The following CNTN4 variants were observed in gnomAD, a reference collection of about 807,000 sequenced individuals.
The protein encoded by CNTN4 is contactin 4.
In CNTN4, 77 loss-of-function variants were observed where a neutral mutation model predicts 122.5. The ratio of observed to expected loss-of-function variants is 0.63; its 90% CI spans 0.52 to 0.76. The LOEUF is 0.76. Among genes scored for constraint, CNTN4 ranks in the 30% least tolerant of loss-of-function variants. CNTN4 has a pLI of 0.00. For missense variants in CNTN4, 1,256 were observed against 1,259.1 expected (o/e 1.00, Z 0.04); for synonymous variants, 512 against 447.0 (o/e 1.15, Z -1.83).
At chr3:2,418,441 A>G (rs1021546004) in intron 3 of CNTN4, among the ~76,000 whole-genome samples, 1 of 152,226 alleles carries the variant, frequency 6.6e-6, no homozygotes, top group African/African-American at 2.4e-5. Flanking sequence ...CTCACAGCCC[A>G]GGTACTAAAA....
At chr3:2,829,015 A>G (rs2093044849) in intron 7 of CNTN4, among the ~76,000 whole-genome samples, 1 of 152,188 alleles carries the variant, frequency 6.6e-6, no homozygotes, top group African/African-American at 2.4e-5. Flanking sequence ...CTGGGAGTAC[A>G]GGCATGAGCC....
chr3:2,208,316 A>G (rs1181011334), intron 2 of CNTN4, among the ~76,000 whole-genome samples: 1 of 152,194 alleles, frequency 6.6e-6, no homozygotes, highest in East Asian at 1.9e-4. Context: ...CAGAGGTTCA[A>G]GATTTCAGTG....
At chr3:2,252,954 G>T (rs1013420872) in intron 2 of CNTN4, among the ~76,000 whole-genome samples, 1 of 151,618 alleles carries the variant, frequency 6.6e-6, no homozygotes, top group Non-Finnish European at 1.5e-5. Context: ...TTGTCTTTTA[G>T]GGACTACTAT....
chr3:2,431,043 C>G (rs972427383), intron 3 of CNTN4, among the ~76,000 whole-genome samples: 2 of 152,122 alleles, frequency 1.3e-5, no homozygotes, highest in African/African-American at 4.8e-5. Flanking sequence ...ATTCACCTAG[C>G]CTTTTTGTGG....
At chr3:2,297,155 C>T (rs2042343590) in intron 2 of CNTN4, among the ~76,000 whole-genome samples, 1 of 152,158 alleles carries the variant, frequency 6.6e-6, no homozygotes, top group Admixed American at 6.5e-5. Flanking sequence ...TAATGTCTTT[C>T]AATCAGTTTA....
At chr3:2,627,766 T>G (rs2619580) in intron 4 of CNTN4, among the ~76,000 whole-genome samples, 29,700 of 152,122 alleles carry the variant, frequency 0.2, 3,121 homozygotes, top group East Asian at 0.31. Context: ...GTGCTGGGAT[T>G]ACAGGCGTGA....
chr3:2,277,645 C>G (rs2041566214), intron 2 of CNTN4, among the ~76,000 whole-genome samples: 1 of 152,126 alleles, frequency 6.6e-6, no homozygotes, highest in Non-Finnish European at 1.5e-5. Flanking sequence ...AGGTTTCCCT[C>G]CTGTCTCCAT....
At chr3:3,043,969 T>C (rs192323432) in intron 23 of CNTN4, among the ~76,000 whole-genome samples, 13 of 152,340 alleles carry the variant, frequency 8.5e-5, no homozygotes, top group East Asian at 3.9e-4. Flanking sequence ...TCTCCAAAAA[T>C]ACCCTGAAGA....
chr3:2,572,366 A>G (rs1371521761), intron 4 of CNTN4, among the ~76,000 whole-genome samples: 4 of 152,236 alleles, frequency 2.6e-5, no homozygotes, highest in African/African-American at 4.8e-5. Context: ...AGCCTGGGCA[A>G]CAGAGTGAGG....
chr3:2,353,894 G>A (rs569145833), intron 3 of CNTN4, among the ~76,000 whole-genome samples: 7 of 151,766 alleles, frequency 4.6e-5, no homozygotes, highest in Admixed American at 3.9e-4. Flanking sequence ...GCGAGACTCC[G>A]TCTCAAAAAA....
At chr3:2,690,128 C>T (rs1025223223) in intron 4 of CNTN4, among the ~76,000 whole-genome samples, 1 of 152,134 alleles carries the variant, frequency 6.6e-6, no homozygotes, top group Admixed American at 6.6e-5. Flanking sequence ...GATATTAGGG[C>T]AATAGGTTTT....
At chr3:2,557,928 T>C (rs1438570718) in intron 3 of CNTN4, among the ~76,000 whole-genome samples, 2 of 152,204 alleles carry the variant, frequency 1.3e-5, no homozygotes, top group Non-Finnish European at 2.9e-5. Context: ...GCTGGTCTTC[T>C]GTAGGCAAAC....
intron 7 of CNTN4, among the ~76,000 whole-genome samples, chr3:2,856,557 C>T (rs566117750): frequency 3.3e-5 from 5 of 150,602 alleles, no homozygotes; most frequent in East Asian, 3.9e-4. Flanking sequence ...AATACAATTT[C>T]GTGGGGAAGT....
At chr3:2,606,023 G>A (rs1490796097) in intron 4 of CNTN4, among the ~76,000 whole-genome samples, 1 of 152,108 alleles carries the variant, frequency 6.6e-6, no homozygotes, top group East Asian at 1.9e-4. Context: ...GAAGTGATGG[G>A]GGAAGCAGGG....
At chr3:2,177,396 A>G (rs774343130) in intron 2 of CNTN4, among the ~76,000 whole-genome samples, 13 of 152,190 alleles carry the variant, frequency 8.5e-5, no homozygotes, top group Non-Finnish European at 1.3e-4. Context: ...CAGAAATACT[A>G]CTGGCACACT....
intron 3 of CNTN4, among the ~76,000 whole-genome samples, chr3:2,403,697 C>T (rs545269863): frequency 2.0e-5 from 3 of 152,202 alleles, no homozygotes; most frequent in African/African-American, 7.2e-5. Flanking sequence ...TTTTGAACTA[C>T]AAAGAACTTT....
intron 3 of CNTN4, among the ~76,000 whole-genome samples, chr3:2,444,437 C>A (rs1366687638): frequency 6.6e-6 from 1 of 151,994 alleles, no homozygotes; most frequent in African/African-American, 2.4e-5. Flanking sequence ...GAGAACTCTT[C>A]AGGCAGAAGG....
chr3:2,352,393 G>C (rs577621353), intron 3 of CNTN4, among the ~76,000 whole-genome samples: 1 of 152,316 alleles, frequency 6.6e-6, no homozygotes, highest in African/African-American at 2.4e-5. Context: ...GAGGTGTGGA[G>C]GGAAAGGCTC....
intron 3 of CNTN4, among the ~76,000 whole-genome samples, chr3:2,440,867 A>ATG (rs2048412896): frequency 1.4e-5 from 1 of 72,690 alleles, no homozygotes; most frequent in Non-Finnish European, 3.5e-5. Context: ...TATATCTAAC[A>ATG]TATATGTATA....
Sources: allele counts gnomAD v4.1 joint callset (sites outside exome capture counted in the v4.1 genomes callset), GRCh38; gene constraint gnomAD v4.1.1; transcripts MANE v1.5; gene names NCBI Gene and HGNC (gene_info 2026-07-23, HGNC 2026-07-21).